CD302: variants seen among roughly 807,000 people sequenced by gnomAD.
CD302 encodes the protein CD302 molecule.
CD302 carries 23 observed loss-of-function variants against 26.5 expected under a neutral mutation model. That is an observed-to-expected ratio of 0.87 (90% CI 0.62 to 1.23). CD302 has a LOEUF of 1.23. Among genes scored for constraint, CD302 ranks in the 50% most tolerant of loss-of-function variants. The pLI is 0.00. For missense variants in CD302, 290 were observed against 275.5 expected (o/e 1.05, Z -0.37); for synonymous variants, 90 against 99.4 (o/e 0.91, Z 0.56).
chr2:159,797,795 G>A (rs543574534), intron 1 of CD302, among the ~76,000 whole-genome samples: 3 of 152,296 alleles, frequency 2.0e-5, no homozygotes, highest in East Asian at 3.9e-4. Context: ...CTGAAACGGC[G>A]CCCGTCGTGC....
intron 5 of CD302, among the ~76,000 whole-genome samples, chr2:159,776,564 T>TTGTC (rs1455578013): frequency 6.6e-6 from 1 of 152,200 alleles, no homozygotes; most frequent in Non-Finnish European, 1.5e-5. Flanking sequence ...TTGTTATTTA[T>TTGTC]TGTCTTCTTC....
intron 5 of CD302, among the ~76,000 whole-genome samples, chr2:159,774,054 G>A (rs150920135): frequency 3.6e-4 from 55 of 150,824 alleles, no homozygotes; most frequent in Non-Finnish European, 6.4e-4. Context: ...GCTTAAACAC[G>A]TGGATGTTTT....
At chr2:159,782,240 C>T (rs1207470106) in intron 2 of CD302, among the ~76,000 whole-genome samples, 3 of 151,420 alleles carry the variant, frequency 2.0e-5, no homozygotes, top group East Asian at 1.9e-4. Context: ...AGTGAAACCC[C>T]GTCTCTACTA....
In CD302 at chr2:159,796,609, G is replaced by C. The variant is rs115832321; in HGVS notation, c.67+1523C>G. Among the ~76,000 whole-genome samples, 1,236 of 152,268 alleles carry C rather than the reference G, an allele frequency of 8.1e-3. 13 individuals are homozygous for C. The highest frequency in any genetic ancestry group is 0.028 in the African/African-American group (1,143 of 41,532). ...TCCAAATTAATCCTTAAAGCTTCCT[G>C]ACTGGGAGGAGCTGATTAATTAACA... On this transcript the variant is annotated intron_variant, in intron 1 of 5. Coordinates refer to ENST00000259053, the MANE Select transcript of CD302 (RefSeq NM_014880.5).
chr2:159,776,941 CAAAAATATAGGCAACTCAAA>C (rs1358258021), intron 5 of CD302, among the ~76,000 whole-genome samples: 1 of 152,084 alleles, frequency 6.6e-6, no homozygotes, highest in African/African-American at 2.4e-5. Flanking sequence ...AAATTCCTAC[CAAAAATATAGGCAACTCAAA>C]AAAAATATGG....
chr2:159,773,359 G>A (rs1407298582), intron 5 of CD302, among the ~76,000 whole-genome samples: 1 of 152,160 alleles, frequency 6.6e-6, no homozygotes, highest in Non-Finnish European at 1.5e-5. Flanking sequence ...TTTCAGTGTA[G>A]AACCTCAACT....
At chr2:159,776,666 A>AAAT (rs1028148868) in intron 5 of CD302, among the ~76,000 whole-genome samples, 16 of 151,206 alleles carry the variant, frequency 1.1e-4, no homozygotes, top group African/African-American at 2.9e-4. Context: ...AGTAACCCCC[A>AAAT]AATAGAAAAC....
chr2:159,772,831 G>A (rs1708197048), intron 5 of CD302, among the ~76,000 whole-genome samples: 1 of 152,146 alleles, frequency 6.6e-6, no homozygotes, highest in African/African-American at 2.4e-5. Flanking sequence ...TTTAAGATTA[G>A]TGAGAGAAAT....
chr2:159,781,095 TA>T (rs761512510), intron 2 of CD302, 97 bp from the exon 3 acceptor site: 39 of 951,400 alleles, frequency 4.1e-5, no homozygotes, highest in Admixed American at 1.1e-4. Flanking sequence ...TAACTTTCTA[TA>T]TATATTAGAG....
chr2:159,768,751 A>G lies in CD302; in HGVS notation c.*3100T>C, dbSNP rs1708032479. 1 of 152,382 alleles carries G rather than the reference A, an allele frequency of 6.6e-6. No homozygotes were observed. The highest frequency in any genetic ancestry group is 1.5e-5 in the Non-Finnish European group (1 of 68,014). The allele number at this position is 152,382 out of a possible 1,614,324, so 9.4% of individuals were successfully genotyped here. A position where few individuals can be genotyped will look rare whatever the true frequency, so the allele number is the denominator to read the frequency against. ...TTGTCTGTCTTAAAGCAAAAATATAAAATTTAAGGGTGGTAGTTTTAATAT... is the reference window on the plus strand; with the variant it reads ...TTGTCTGTCTTAAAGCAAAAATATAGAATTTAAGGGTGGTAGTTTTAATAT... On this transcript the variant is annotated 3_prime_UTR_variant, in exon 6 of 6. Transcript: ENST00000259053.
At chr2:159,792,422 CTGTGTGTGTGTGTGTG>C (rs3138650) in intron 1 of CD302, among the ~76,000 whole-genome samples, 45,405 of 145,238 alleles carry the variant, frequency 0.31, 8,670 homozygotes, top group Admixed American at 0.47. Context: ...AGAACCAACT[CTGTGTGTGTGTGTGTG>C]TGTGTGTGTG....
Position 159,768,799 on chromosome 2 carries a change from C to T in CD302, c.*3052G>A, listed in dbSNP as rs1409648308. Reference sequence around the variant, plus strand: ...TATATTCTGTGGGTCCTAAGGGATGCTTTGAATTTGAAGTATATATACTTT... The same window carrying T: ...TATATTCTGTGGGTCCTAAGGGATGTTTTGAATTTGAAGTATATATACTTT... On this transcript the variant is annotated 3_prime_UTR_variant, in exon 6 of 6. Transcript: ENST00000259053. The T allele has an allele frequency of 6.6e-6, 1 of 152,098 alleles. No individual in the cohort carries two copies. Among genetic ancestry groups the T allele is most frequent in the African/African-American group, 2.4e-5 (1 of 41,424 alleles). The allele number at this position is 152,098 out of a possible 1,614,324, so 9.4% of individuals were successfully genotyped here.
At chr2:159,776,731 G>GAGTC (rs1374559636) in intron 5 of CD302, among the ~76,000 whole-genome samples, 1 of 121,476 alleles carries the variant, frequency 8.2e-6, no homozygotes, top group Non-Finnish European at 1.6e-5. Context: ...TTGTGAGATG[G>GAGTC]AGTCACTCTG....
rs1292728886 is a variant in CD302 at position 159,772,071 on chromosome 2, A to G, written c.497-18T>C. ...GTGGTTATCTGAAAAGGAAAAGACA[A>G]AAGAGTATTTGGGAAATTAGGGTAC... On this transcript the variant is annotated intron_variant, in intron 5 of 5. Transcript: ENST00000259053. The G allele has an allele frequency of 6.2e-7, 1 of 1,612,678 alleles. No individual in the cohort carries two copies. Among genetic ancestry groups the G allele is most frequent in the Non-Finnish European group, 8.5e-7 (1 of 1,179,178 alleles).
At chr2:159,775,362 C>G (rs552787471) in intron 5 of CD302, among the ~76,000 whole-genome samples, 93 of 152,314 alleles carry the variant, frequency 6.1e-4, no homozygotes, top group Non-Finnish European at 1.0e-3. Context: ...CCATATGTTG[C>G]CAGATCTTTC....
chr2:159,794,109 A>G (rs1312542194), intron 1 of CD302, among the ~76,000 whole-genome samples: 1 of 150,940 alleles, frequency 6.6e-6, no homozygotes, highest in Non-Finnish European at 1.5e-5. Flanking sequence ...AAAAAAAAAA[A>G]AAAAAATTAG....
chr2:159,791,535 A>C (rs1708806978), intron 1 of CD302, among the ~76,000 whole-genome samples: 1 of 152,242 alleles, frequency 6.6e-6, no homozygotes, highest in Non-Finnish European at 1.5e-5. Flanking sequence ...GCTATCTGAT[A>C]TGCATCCTGT....
chr2:159,796,199 A>G (rs952319151), intron 1 of CD302, among the ~76,000 whole-genome samples: 6 of 152,246 alleles, frequency 3.9e-5, no homozygotes, highest in African/African-American at 1.4e-4. Flanking sequence ...AGATCTTGGT[A>G]TTCAGCAACA....
intron 1 of CD302, among the ~76,000 whole-genome samples, chr2:159,791,907 T>C (rs1708816989): frequency 6.6e-6 from 1 of 152,208 alleles, no homozygotes. Context: ...TTGACGCAGT[T>C]ATGCAAAAGG....
Sources: gnomAD v4.1 joint callset for allele counts (sites outside exome capture counted in the v4.1 genomes callset) on GRCh38, gnomAD v4.1.1 for gene constraint, MANE v1.5 for transcripts, NCBI Gene and HGNC (gene_info 2026-07-23, HGNC 2026-07-21) for gene names.